PPM1H: variants seen among roughly 807,000 people sequenced by gnomAD.
PPM1H encodes protein phosphatase, Mg2+/Mn2+ dependent 1H.
PPM1H carries 27 observed loss-of-function variants against 54.9 expected under a neutral mutation model. The observed-to-expected ratio is 0.49, with a 90% CI of 0.36 to 0.68. The LOEUF is 0.68. PPM1H is among the 30% of genes least tolerant of loss of function. PPM1H has a pLI of 0.00. For missense variants in PPM1H, 596 were observed against 667.8 expected (o/e 0.89, Z 1.19); for synonymous variants, 305 against 270.8 (o/e 1.13, Z -1.24).
intron 6 of PPM1H, among the ~76,000 whole-genome samples, chr12:62,719,600 G>A (rs1045456245): frequency 5.3e-5 from 8 of 152,060 alleles, no homozygotes; most frequent in East Asian, 1.9e-4. Flanking sequence ...TTGTGTTTTC[G>A]GAATACGACA....
intron 5 of PPM1H, among the ~76,000 whole-genome samples, chr12:62,728,294 C>A (rs936135902): frequency 6.6e-6 from 1 of 152,174 alleles, no homozygotes; most frequent in Non-Finnish European, 1.5e-5. Context: ...AGGAAACTTA[C>A]AAACATGGTT....
chr12:62,830,619 C>T (rs552629255), intron 2 of PPM1H, among the ~76,000 whole-genome samples: 58 of 152,270 alleles, frequency 3.8e-4, no homozygotes, highest in African/African-American at 1.3e-3. Flanking sequence ...AATTAAGTAG[C>T]TAAAGTGGTA....
chr12:62,884,006 A>G (rs1001248039), intron 1 of PPM1H, among the ~76,000 whole-genome samples: 1 of 152,118 alleles, frequency 6.6e-6, no homozygotes, highest in Admixed American at 6.5e-5. Context: ...ATGAGAACAA[A>G]CAGACAAAAG....
At chr12:62,716,246 G>A (rs769537888) in intron 6 of PPM1H, among the ~76,000 whole-genome samples, 5 of 152,242 alleles carry the variant, frequency 3.3e-5, no homozygotes, top group Non-Finnish European at 2.9e-5. Context: ...CTGAAGTTAC[G>A]CTGCCTGGAT....
intron 5 of PPM1H, among the ~76,000 whole-genome samples, chr12:62,729,050 T>C (rs1440413576): frequency 6.6e-6 from 1 of 152,114 alleles, no homozygotes; most frequent in Non-Finnish European, 1.5e-5. Flanking sequence ...TTCATGCAAC[T>C]AACATTTGAG....
At chr12:62,840,294 T>C (rs139929767) in intron 1 of PPM1H, 1 of 152,220 alleles carries the variant, frequency 6.6e-6, no homozygotes, top group Non-Finnish European at 1.5e-5. Flanking sequence ...GCCTCTTTTC[T>C]AAAAGCACTA....
chr12:62,759,835 C>T (rs1258712511), intron 4 of PPM1H, among the ~76,000 whole-genome samples: 1 of 151,478 alleles, frequency 6.6e-6, no homozygotes, highest in African/African-American at 2.4e-5. Context: ...ACCCTGTTTC[C>T]ACTTTCCTGG....
intron 6 of PPM1H, among the ~76,000 whole-genome samples, chr12:62,717,549 A>C (rs2076242305): frequency 6.6e-6 from 1 of 152,210 alleles, no homozygotes; most frequent in Non-Finnish European, 1.5e-5. Context: ...CTGTGTGCAT[A>C]TAAAGTTGGA....
chr12:62,721,887 C>G (rs563611551), intron 5 of PPM1H, among the ~76,000 whole-genome samples: 1 of 152,196 alleles, frequency 6.6e-6, no homozygotes, highest in East Asian at 1.9e-4. Flanking sequence ...CTATTATATC[C>G]TGAGTACTAC....
At chr12:62,907,074 G>A (rs1871323139) in intron 1 of PPM1H, among the ~76,000 whole-genome samples, 1 of 152,142 alleles carries the variant, frequency 6.6e-6, no homozygotes. Context: ...CCAAATCTTT[G>A]GGTTTATACC....
chr12:62,837,764 C>G (rs1868546616), intron 1 of PPM1H, among the ~76,000 whole-genome samples: 1 of 152,174 alleles, frequency 6.6e-6, no homozygotes, highest in Non-Finnish European at 1.5e-5. Flanking sequence ...AATAATACAC[C>G]AAATGCAAAG....
intron 3 of PPM1H, among the ~76,000 whole-genome samples, chr12:62,790,155 T>G (rs546905544): frequency 6.6e-6 from 1 of 152,064 alleles, no homozygotes; most frequent in African/African-American, 2.4e-5. Context: ...GGGAGAGAAG[T>G]CAAGACCCCA....
chr12:62,800,632 C>T (rs933057240), intron 3 of PPM1H, among the ~76,000 whole-genome samples: 4 of 152,164 alleles, frequency 2.6e-5, no homozygotes, highest in Non-Finnish European at 5.9e-5. Context: ...CCACCGTGCC[C>T]GGCCTGTAAT....
At chr12:62,760,249 T>C (rs1459430356) in intron 4 of PPM1H, among the ~76,000 whole-genome samples, 1 of 152,084 alleles carries the variant, frequency 6.6e-6, no homozygotes, top group African/African-American at 2.4e-5. Flanking sequence ...CAGGCATTCT[T>C]TTACACATTG....
intron 1 of PPM1H, among the ~76,000 whole-genome samples, chr12:62,833,410 A>T (rs773840271): frequency 2.0e-5 from 3 of 152,218 alleles, no homozygotes; most frequent in African/African-American, 2.4e-5. Flanking sequence ...TTGCAAAAAT[A>T]GTACAGAGTC....
chr12:62,856,043 T>C (rs1206104767), intron 1 of PPM1H, among the ~76,000 whole-genome samples: 1 of 152,226 alleles, frequency 6.6e-6, no homozygotes, highest in Non-Finnish European at 1.5e-5. Flanking sequence ...GAGGCACTAT[T>C]CTTGGCTCTG....
intron 1 of PPM1H, among the ~76,000 whole-genome samples, chr12:62,845,265 G>A (rs1555200871): frequency 6.6e-6 from 1 of 152,196 alleles, no homozygotes; most frequent in Non-Finnish European, 1.5e-5. Flanking sequence ...TCCCTTCACT[G>A]GAAATGTCCA....
At chr12:62,703,611 G>C (rs342178) in intron 6 of PPM1H, among the ~76,000 whole-genome samples, 2 of 151,968 alleles carry the variant, frequency 1.3e-5, no homozygotes, top group African/African-American at 4.8e-5. Flanking sequence ...CAGGAGGCCT[G>C]GGATGAAACA....
At chr12:62,927,891 T>C (rs1183683804) in intron 1 of PPM1H, among the ~76,000 whole-genome samples, 1 of 152,198 alleles carries the variant, frequency 6.6e-6, no homozygotes, top group Non-Finnish European at 1.5e-5. Flanking sequence ...TCATATCTTT[T>C]ACTAGTCTAT....
Sources: allele counts gnomAD v4.1 joint callset (sites outside exome capture counted in the v4.1 genomes callset), GRCh38; gene constraint gnomAD v4.1.1; transcripts MANE v1.5; gene names NCBI Gene and HGNC (gene_info 2026-07-23, HGNC 2026-07-21).